RASSF3: variants seen among roughly 807,000 people sequenced by gnomAD.
RASSF3 encodes the protein ras association domain-containing protein 3.
Under a neutral mutation model 19.9 loss-of-function variants are expected in RASSF3, and 19 were observed. The observed-to-expected ratio is 0.96, with a 90% CI of 0.67 to 1.40. RASSF3 has a LOEUF of 1.40. Ranked by LOEUF, RASSF3 falls within the 40% of genes most tolerant of loss-of-function variation. The pLI is 0.00. For synonymous variants in RASSF3, 110 were observed against 104.2 expected (o/e 1.06, Z -0.34); for missense variants, 306 against 289.8 (o/e 1.06, Z -0.41).
At chr12:64,544,125 T>A (rs1869007279), downstream of RASSF3, among the ~76,000 whole-genome samples, 1 of 152,120 alleles carries the variant, frequency 6.6e-6, no homozygotes, top group African/African-American at 2.4e-5. Flanking sequence ...CAATAAATCC[T>A]GGTACTGCTC....
At chr12:64,534,885 C>A (rs1309361496) in intron 1 of RASSF3, among the ~76,000 whole-genome samples, 1 of 152,116 alleles carries the variant, frequency 6.6e-6, no homozygotes, top group African/African-American at 2.4e-5. Flanking sequence ...GAGGCTCTTA[C>A]AACACCAGTA....
chr12:64,554,472 T>C (rs1251988616), intron 2 of RASSF3, among the ~76,000 whole-genome samples: 2 of 152,166 alleles, frequency 1.3e-5, no homozygotes, highest in African/African-American at 4.8e-5. Context: ...GCCTGGCTAA[T>C]TTTTGTATTT....
intron 1 of RASSF3, among the ~76,000 whole-genome samples, chr12:64,616,723 T>A (rs1870566493): frequency 1.3e-5 from 2 of 152,232 alleles, no homozygotes; most frequent in South Asian, 2.1e-4. Flanking sequence ...TACACACATT[T>A]GCCTTGTAGG....
chr12:64,574,600 G>T (rs1240827745), intron 2 of RASSF3, among the ~76,000 whole-genome samples: 1 of 152,198 alleles, frequency 6.6e-6, no homozygotes, highest in African/African-American at 2.4e-5. Flanking sequence ...AAATGAGCTT[G>T]CCTACTGGGG....
In RASSF3 at chr12:64,601,276, A is replaced by C. The variant is rs1870086734; in HGVS notation, c.294+59571A>C. On this transcript the variant is annotated intron_variant, in intron 2 of 5. Coordinates refer to the RASSF3 transcript ENST00000637125. ...TGCACTCAGCCTAGGTGACAGAGTG[A>C]GACCTTGTCTTAAAAATATGTAATA... is the stretch of plus-strand genomic sequence containing the variant. Among the ~76,000 whole-genome samples, 4 of 152,218 alleles carry C rather than the reference A, an allele frequency of 2.6e-5. No homozygotes were observed. In the South Asian group the frequency reaches 6.2e-4, roughly 24 times the overall value.
chr12:64,535,095 G>A (rs11175430), intron 1 of RASSF3, among the ~76,000 whole-genome samples: 81,607 of 151,440 alleles, frequency 0.54, 22,272 homozygotes, highest in East Asian at 0.72. Flanking sequence ...AAAAAAAAAG[G>A]AAAGTACCTT....
Position 64,652,808 on chromosome 12 carries a change from G to A in RASSF3, c.112-31979G>A, listed in dbSNP as rs530644562. On this transcript the variant is annotated intron_variant, in intron 1 of 4. Transcript: ENST00000542104. ...ATTTTGTTTCAGTATATGATTTGCA[G>A]TATAATTCTATTTACATGTAAAATC... Among the ~76,000 whole-genome samples the A allele has an allele frequency of 2.2e-4, 33 of 152,282 alleles. 1 individual carries two copies. In the South Asian group the frequency reaches 6.6e-3, roughly 31 times the overall value.
At chr12:64,518,753 G>A (rs1461135146) in intron 1 of RASSF3, among the ~76,000 whole-genome samples, 1 of 152,160 alleles carries the variant, frequency 6.6e-6, no homozygotes, top group South Asian at 2.1e-4. Context: ...GTTTAACTTT[G>A]TTGAACCATT....
rs143034562 is a variant in RASSF3 at position 64,656,847 on chromosome 12, T to G, written c.112-27940T>G. Among the ~76,000 whole-genome samples the G allele has an allele frequency of 2.6e-5, 4 of 152,246 alleles. No individual in the cohort carries two copies. The East Asian group carries it at 7.7e-4, about 29-fold the overall frequency. On this transcript the variant is annotated intron_variant, in intron 1 of 4. Transcript: ENST00000542104. ...AGAGAAAAATTCTGACATGGAATAATGTGGATGAATCTTGAGGACATTACA... is the reference window on the plus strand; with the variant it reads ...AGAGAAAAATTCTGACATGGAATAAGGTGGATGAATCTTGAGGACATTACA...
chr12:64,542,642 C>T (rs1217774224), downstream of RASSF3, among the ~76,000 whole-genome samples: 1 of 152,190 alleles, frequency 6.6e-6, no homozygotes. Flanking sequence ...GTAATCCCAA[C>T]ACTTTGGGAG....
chr12:64,507,047 A>G, exon 1 of RASSF3: 3 of 396,920 alleles, frequency 7.6e-6, no homozygotes, highest in Non-Finnish European at 1.3e-5. Flanking sequence ...AGGACAAGCC[A>G]AAAGAATGAC....
At chr12:64,676,360 G>C (rs989066075) in intron 1 of RASSF3, among the ~76,000 whole-genome samples, 1 of 151,432 alleles carries the variant, frequency 6.6e-6, no homozygotes, top group African/African-American at 2.4e-5. Flanking sequence ...GTAGAAACAG[G>C]GTTTCTCCAT....
rs138617883 is a variant in RASSF3, at chr12:64,521,228, G to C, written c.169+13899G>C. Among the ~76,000 whole-genome samples the C allele has an allele frequency of 1.1e-3, 175 of 152,324 alleles. 2 individuals carry two copies. Among genetic ancestry groups the C allele is most frequent in the African/African-American group, 4.0e-3 (166 of 41,570 alleles). On this transcript the variant is annotated intron_variant, in intron 1 of 5. Coordinates refer to the RASSF3 transcript ENST00000637125. ...CAGCCCTTCCCTGTAGTGATGTCCA[G>C]TTGTGCCCCTGTAGCAGGTGTGCTC...
chr12:64,664,487 C>T (rs1218499620), intron 1 of RASSF3, among the ~76,000 whole-genome samples: 2 of 152,120 alleles, frequency 1.3e-5, no homozygotes, highest in African/African-American at 2.4e-5. Context: ...GGATTACAGG[C>T]GTGAGCCACC....
intron 3 of RASSF3, among the ~76,000 whole-genome samples, chr12:64,689,469 C>G (rs1873492585): frequency 6.6e-6 from 1 of 152,100 alleles, no homozygotes; most frequent in South Asian, 2.1e-4. Flanking sequence ...TCAGAGGTCA[C>G]AAGCTTAGTA....
intron 1 of RASSF3, among the ~76,000 whole-genome samples, chr12:64,667,005 G>A (rs1872553383): frequency 6.6e-6 from 1 of 152,124 alleles, no homozygotes; most frequent in Admixed American, 6.5e-5. Context: ...GCTCAGGAGT[G>A]TTGACCGGTG....
In RASSF3 at chr12:64,696,380, A is replaced by C. The variant is rs1025022465; in HGVS notation, c.*1468A>C. On this transcript the variant is annotated 3_prime_UTR_variant, in exon 5 of 5. Coordinates refer to ENST00000542104, the MANE Select transcript of RASSF3 (RefSeq NM_178169.4). ...ACCAAAGAGATGCATGTGCAATAGA[A>C]GCCTTCCTTAAAAACAGGCTAAATA... 2.6e-5 allele frequency: 4 copies of C among 152,170 alleles called. No individual in the cohort carries two copies. The highest frequency in any genetic ancestry group is 9.7e-5 in the African/African-American group (4 of 41,418). 9.4% of individuals were successfully genotyped at this position (152,170 alleles called of 1,614,324 possible).
At chr12:64,569,339 C>T (rs916483109) in intron 2 of RASSF3, among the ~76,000 whole-genome samples, 2 of 152,266 alleles carry the variant, frequency 1.3e-5, no homozygotes, top group East Asian at 1.9e-4. Flanking sequence ...CACAGCCCTA[C>T]GCTGCAGCCT....
At chr12:64,651,376 T>G (rs1871947375) in intron 1 of RASSF3, among the ~76,000 whole-genome samples, 2 of 152,218 alleles carry the variant, frequency 1.3e-5, no homozygotes, top group African/African-American at 4.8e-5. Flanking sequence ...TTTTTATTTT[T>G]GAGATGAAGT....
Sources: gnomAD v4.1 joint callset for allele counts (sites outside exome capture counted in the v4.1 genomes callset) on GRCh38, gnomAD v4.1.1 for gene constraint, MANE v1.5 for transcripts, NCBI Gene and HGNC (gene_info 2026-07-23, HGNC 2026-07-21) for gene names.